Variants in CABIN1 observed in about 807,000 individuals in gnomAD.
CABIN1 encodes the protein calcineurin-binding protein cabin-1.
A neutral mutation model predicts 227.7 loss-of-function variants in CABIN1; 133 were observed. That is an observed-to-expected ratio of 0.58 (90% CI 0.51 to 0.67). The LOEUF is 0.67. CABIN1 is among the 30% of genes least tolerant of loss of function. The pLI, the probability that CABIN1 is intolerant of heterozygous loss-of-function variation, is 0.00. For synonymous variants in CABIN1, 1,086 were observed against 1,155.1 expected (o/e 0.94, Z 1.21); for missense variants, 2,408 against 2,852.5 (o/e 0.84, Z 3.55).
At chr22:24,163,419 G>C (rs2046268482) in intron 29 of CABIN1, among the ~76,000 whole-genome samples, 1 of 152,162 alleles carries the variant, frequency 6.6e-6, no homozygotes, top group East Asian at 1.9e-4. Context: ...TAGACATCCT[G>C]CAGTGGTCCC....
intron 27 of CABIN1, among the ~76,000 whole-genome samples, chr22:24,115,251 G>C (rs918536732): frequency 2.0e-5 from 3 of 152,216 alleles, no homozygotes; most frequent in Non-Finnish European, 4.4e-5. Flanking sequence ...AAGGGGACAT[G>C]GGTGTTGGGG....
At chr22:24,064,695 G>A (rs543082687) in intron 15 of CABIN1, among the ~76,000 whole-genome samples, 2,699 of 151,810 alleles carry the variant, frequency 0.018, 79 homozygotes, top group African/African-American at 0.062. Context: ...CTGGGTACTT[G>A]AGATTAGGGA....
chr22:24,064,276 G>T (rs2039421708), intron 15 of CABIN1, 89 bp downstream of exon 15: 2 of 1,381,052 alleles, frequency 1.4e-6, no homozygotes, highest in African/African-American at 1.4e-5. Context: ...TGCAATCTCG[G>T]CTCACTGCAA....
chr22:24,116,328 A>G (rs1195132426), intron 27 of CABIN1, among the ~76,000 whole-genome samples: 1 of 152,270 alleles, frequency 6.6e-6, no homozygotes, highest in Non-Finnish European at 1.5e-5. Context: ...GGTAAAACCC[A>G]AAGCAGAGTT....
At position 24,167,085 on chromosome 22, in the gene CABIN1, A is replaced by AGACCCC; in HGVS notation, c.5455_5456insACCCCG (p.Pro1818_Ala1819insAspPro). On this transcript the variant is annotated inframe_insertion, in exon 32 of 37. Coordinates refer to ENST00000263119, the MANE Select transcript of CABIN1 (RefSeq NM_012295.4). ...CCACCCCGCTCACCCCAGCCCAGCC[A>AGACCCC]GCCCCCGCCCCCGCCCCCGCCACCA... The AGACCCC allele has an allele frequency of 1.3e-6, 2 of 1,535,574 alleles. No individual in the cohort carries two copies. The highest frequency in any genetic ancestry group is 1.8e-6 in the Non-Finnish European group (2 of 1,139,596).
At chr22:24,025,402 T>G (rs958612113) in intron 1 of CABIN1, among the ~76,000 whole-genome samples, 6 of 152,110 alleles carry the variant, frequency 3.9e-5, no homozygotes, top group African/African-American at 1.4e-4. Context: ...ATCGATAGCC[T>G]GAGAAGGCCA....
At chr22:24,101,332 G>T (rs1248300000) in intron 26 of CABIN1, among the ~76,000 whole-genome samples, 4 of 152,208 alleles carry the variant, frequency 2.6e-5, no homozygotes, top group Non-Finnish European at 5.9e-5. Flanking sequence ...TTTGACATTT[G>T]ATAATAGCTG....
At chr22:24,174,282 C>G (rs1278976810) in intron 34 of CABIN1, among the ~76,000 whole-genome samples, 4 of 151,764 alleles carry the variant, frequency 2.6e-5, no homozygotes, top group Non-Finnish European at 5.9e-5. Context: ...GCATGGGCCA[C>G]TACGCCTGGG....
chr22:24,146,349 C>T (rs935193373), intron 29 of CABIN1, among the ~76,000 whole-genome samples: 9 of 152,202 alleles, frequency 5.9e-5, no homozygotes, highest in Admixed American at 1.3e-4. Context: ...AATGTATCCC[C>T]GAGCTCTCCT....
Position 24,098,290 on chromosome 22 carries a change from G to T in CABIN1, c.4117+98G>T, listed in dbSNP as rs540800005. On this transcript the variant is annotated intron_variant, in intron 26 of 36. Coordinates refer to ENST00000263119, the MANE Select transcript of CABIN1 (RefSeq NM_012295.4). ...TTTTGTCGCTTCGTTTTGGTGAGGG[G>T]GGGTGCTGGGTCTGGGGTGACACGG... The T allele has an allele frequency of 3.6e-5, 56 of 1,567,326 alleles. No individual in the cohort carries two copies. In the East Asian group the frequency reaches 7.0e-4, roughly 20 times the overall value.
At chr22:24,086,401 T>C (rs1053935971) in intron 22 of CABIN1, among the ~76,000 whole-genome samples, 1 of 152,230 alleles carries the variant, frequency 6.6e-6, no homozygotes, top group Non-Finnish European at 1.5e-5. Flanking sequence ...CCTGCCTGTT[T>C]AGAGGGTATC....
At chr22:24,174,839 C>T (rs1258069378) in intron 34 of CABIN1, among the ~76,000 whole-genome samples, 1 of 152,016 alleles carries the variant, frequency 6.6e-6, no homozygotes, top group Non-Finnish European at 1.5e-5. Context: ...ACAGAGGAAG[C>T]CATGGTGTCT....
chr22:24,018,257 T>C (rs2035449478), intron 1 of CABIN1, among the ~76,000 whole-genome samples: 1 of 152,138 alleles, frequency 6.6e-6, no homozygotes, highest in African/African-American at 2.4e-5. Context: ...CTTTTAATTT[T>C]TTTTCTGAGT....
chr22:24,018,371 T>C (rs2146495473), intron 1 of CABIN1, among the ~76,000 whole-genome samples: 1 of 152,334 alleles, frequency 6.6e-6, no homozygotes, highest in East Asian at 1.9e-4. Context: ...GGCCCTTCTC[T>C]ACTACGTAAT....
At chr22:24,078,412 G>A (rs928999742) in intron 19 of CABIN1, among the ~76,000 whole-genome samples, 2 of 152,198 alleles carry the variant, frequency 1.3e-5, no homozygotes, top group African/African-American at 2.4e-5. Flanking sequence ...AAGGTTGAAT[G>A]CTTCATTACT....
intron 8 of CABIN1, among the ~76,000 whole-genome samples, chr22:24,054,350 G>A (rs1000306488): frequency 2.0e-5 from 3 of 152,128 alleles, no homozygotes; most frequent in African/African-American, 7.2e-5. Flanking sequence ...GTCTCCTGTT[G>A]CCATCCAGCA....
rs1429322223 is a variant in CABIN1, at chr22:24,177,935, G to A, written c.6519+118G>A. 1 of 1,541,576 alleles carries A rather than the reference G, an allele frequency of 6.5e-7. No homozygotes were observed. Among genetic ancestry groups the A allele is most frequent in the Admixed American group, 1.9e-5 (1 of 54,018 alleles). ...TGGGGTGTGGGTGAGGATGGCATAG[G>A]GGCCTGGGGCAGGGGTGAGGGTGGG... On this transcript the variant is annotated intron_variant, in intron 36 of 36. Coordinates refer to ENST00000263119, the MANE Select transcript of CABIN1 (RefSeq NM_012295.4). This position sits in a 1 kb window ranked among gnomAD's most constrained non-coding sequence, Gnocchi z 4.4.
In CABIN1 at chr22:24,119,425, C is replaced by T; in HGVS notation, c.4359C>T (p.Val1453=). 6.2e-7 allele frequency: 1 copy of T among 1,614,098 alleles called. No homozygotes were observed. Among genetic ancestry groups the T allele is most frequent in the Non-Finnish European group, 8.5e-7 (1 of 1,180,030 alleles). ...TEGFRAAEQG[V]QKPAAETPAS... ...GCTTCCGGGCTGCAGAGCAAGGTGT[C>T]CAGAAGCCTGCTGCAGAAACCCCAG... Residue 1453 remains valine (V), a synonymous_variant, in exon 28 of 37, where the codon GTC becomes GTT. Coordinates refer to ENST00000263119, the MANE Select transcript of CABIN1 (RefSeq NM_012295.4).
chr22:24,023,328 A>G (rs2035856393), intron 1 of CABIN1, among the ~76,000 whole-genome samples: 1 of 152,110 alleles, frequency 6.6e-6, no homozygotes, highest in South Asian at 2.1e-4. Context: ...CCTTTTGGCT[A>G]TTGTGAATAA....
Sources: allele counts gnomAD v4.1 joint callset (sites outside exome capture counted in the v4.1 genomes callset), GRCh38; gene constraint gnomAD v4.1.1; non-coding constraint Gnocchi (gnomAD v3.1); transcripts MANE v1.5; gene names NCBI Gene and HGNC (gene_info 2026-07-23, HGNC 2026-07-21).